Variants in LHPP observed in about 807,000 individuals in gnomAD.
LHPP encodes hLHPP.
LHPP carries 24 observed loss-of-function variants against 30.3 expected under a neutral mutation model. The observed-to-expected ratio is 0.79, with a 90% confidence interval of 0.57 to 1.11. The LOEUF (loss-of-function observed/expected upper bound fraction) is 1.11. Among genes scored for constraint, LHPP ranks in the 50% most tolerant of loss-of-function variants. The pLI is 0.00. For missense variants in LHPP, 356 were observed against 367.2 expected, an observed-to-expected ratio of 0.97 and a Z score of 0.25; for synonymous variants, 150 against 157.1, an observed-to-expected ratio of 0.95 and a Z score of 0.34.
At chr10:124,515,245 G>A (rs1401373280) in intron 5 of LHPP, among the ~76,000 whole-genome samples, 2 of 152,178 alleles carry the variant, frequency 1.3e-5, no homozygotes, top group African/African-American at 4.8e-5. Context: ...ATGTCTCCAG[G>A]TTCATTCATC....
chr10:124,498,125 C>T lies in LHPP; in HGVS notation c.621C>T (p.His207=). The T allele has an allele frequency of 6.2e-7, 1 of 1,612,240 alleles. No individual in the cohort carries two copies. The highest frequency in any genetic ancestry group is 8.5e-7 in the Non-Finnish European group (1 of 1,179,334). The change falls in exon 5 of 7, where the codon CAC becomes CAT. Residue 207 remains histidine (H), a synonymous_variant. Transcript: ENST00000368842. ...TGCAAGCGATAGGAGTGGAAGCCCA[C>T]CAGGTAGGTTGGCGCCTTGTGAAGT... ...SALQAIGVEA[H]QAVMIGDDIV...
At chr10:124,466,022 A>G (rs1013313168) in intron 1 of LHPP, among the ~76,000 whole-genome samples, 3 of 152,196 alleles carry the variant, frequency 2.0e-5, no homozygotes, top group African/African-American at 4.8e-5. Context: ...ATTATCTACC[A>G]GTGGTTGCGC....
chr10:124,506,256 A>AG (rs935567645), intron 5 of LHPP, among the ~76,000 whole-genome samples: 1 of 139,582 alleles, frequency 7.2e-6, no homozygotes, highest in African/African-American at 2.6e-5. Context: ...CTCAAAAAAA[A>AG]CAACAAACCC....
intron 1 of LHPP, among the ~76,000 whole-genome samples, chr10:124,482,673 G>A (rs993525531): frequency 8.6e-5 from 13 of 151,902 alleles, no homozygotes; most frequent in African/African-American, 2.9e-4. Flanking sequence ...AGCACGCTCG[G>A]GTCCCTTCCT....
chr10:124,519,279 G>A (rs910719291), intron 6 of LHPP, among the ~76,000 whole-genome samples: 2 of 152,200 alleles, frequency 1.3e-5, no homozygotes, highest in Non-Finnish European at 2.9e-5. Context: ...ACAGTTTGCC[G>A]AATCCTTCCA....
In LHPP at chr10:124,496,952, C is replaced by G. The variant is rs1411010702; in HGVS notation, c.468-9C>G. The G allele has an allele frequency of 2.5e-6, 4 of 1,612,424 alleles. No homozygotes were observed. The highest frequency in any genetic ancestry group is 2.7e-5 in the African/African-American group (2 of 74,958). On this transcript the variant is annotated splice_polypyrimidine_tract_variant and intron_variant, in intron 3 of 6. Transcript: ENST00000368842. The surrounding 1 kb of genome is among the most constrained non-coding windows in gnomAD (Gnocchi z 4.3). ...TCAGCATCCCGTGCTCCGTTCTGCT[C>G]TCTCCTAGGCGTTACTACAAGGAGA...
At chr10:124,472,473 G>A (rs928072752) in intron 1 of LHPP, among the ~76,000 whole-genome samples, 2 of 152,056 alleles carry the variant, frequency 1.3e-5, no homozygotes, top group African/African-American at 2.4e-5. Context: ...GAATGACTTC[G>A]CTCTGTTTGG....
In LHPP at chr10:124,500,872, G is replaced by A. The variant is rs75062511; in HGVS notation, c.624+2744G>A. Among the ~76,000 whole-genome samples, 85 of 152,062 alleles carry A rather than the reference G, an allele frequency of 5.6e-4. No homozygotes were observed. In the East Asian group the frequency reaches 0.013, roughly 22 times the overall value. ...CTCAAAGTTAAACATAGAATTTGCCGTATGACTCAGCAACCCATTTCCAGG... is the reference window on the plus strand; with the variant it reads ...CTCAAAGTTAAACATAGAATTTGCCATATGACTCAGCAACCCATTTCCAGG... On this transcript the variant is annotated intron_variant, in intron 5 of 6. Coordinates refer to ENST00000368842, the MANE Select transcript of LHPP (RefSeq NM_022126.4).
chr10:124,530,916 G>A lies in LHPP; in HGVS notation c.716+13645G>A, dbSNP rs563530169. ...GTAGCCTCATCAGCCTCACCAGCCCGTCCTTCTTGTCTCCCTGGCACCTTG... is the reference window on the plus strand; with the variant it reads ...GTAGCCTCATCAGCCTCACCAGCCCATCCTTCTTGTCTCCCTGGCACCTTG... On this transcript the variant is annotated intron_variant, in intron 6 of 6. Transcript: ENST00000368842. 5.7e-4 allele frequency among the ~76,000 whole-genome samples: 50 copies of A among 88,264 alleles called. No homozygotes were observed. The East Asian group carries it at 0.012, about 22-fold the overall frequency. 57.9% of individuals were successfully genotyped at this position (88,264 alleles called of 152,430 possible).
intron 5 of LHPP, among the ~76,000 whole-genome samples, chr10:124,511,366 C>T (rs917040216): frequency 1.3e-4 from 20 of 152,318 alleles, no homozygotes. Context: ...TAGTATGTCA[C>T]CCGTGTGCAT....
intron 6 of LHPP, among the ~76,000 whole-genome samples, chr10:124,606,549 A>G (rs1394642323): frequency 2.6e-5 from 4 of 152,218 alleles, no homozygotes; most frequent in Non-Finnish European, 5.9e-5. Flanking sequence ...GGAAACGCCA[A>G]CTTCGTGTGC....
chr10:124,538,160 G>A (rs1299109478), intron 6 of LHPP, among the ~76,000 whole-genome samples: 5 of 57,686 alleles, frequency 8.7e-5, no homozygotes, highest in South Asian at 6.2e-4. Flanking sequence ...GGGTCACCAC[G>A]CGAGTCTCAC....
chr10:124,610,978 T>A (rs1949186531), intron 6 of LHPP, among the ~76,000 whole-genome samples: 1 of 51,240 alleles, frequency 2.0e-5, no homozygotes. Context: ...CGGGTGAGGG[T>A]GCTGGTGGAG....
intron 6 of LHPP, among the ~76,000 whole-genome samples, chr10:124,560,326 G>A (rs1460382252): frequency 1.3e-5 from 2 of 152,192 alleles, no homozygotes; most frequent in Non-Finnish European, 1.5e-5. Flanking sequence ...TTTCCTTCCC[G>A]TCTCCTCCAC....
chr10:124,484,444 A>G, intron 2 of LHPP, 118 bp downstream of exon 2: 1 of 980,692 alleles, frequency 1.0e-6, no homozygotes, highest in Non-Finnish European at 1.5e-6. Flanking sequence ...GGCCACCAAC[A>G]CTCATGGGTT....
At chr10:124,609,867 G>T (rs1311943499) in intron 6 of LHPP, among the ~76,000 whole-genome samples, 1 of 152,212 alleles carries the variant, frequency 6.6e-6, no homozygotes, top group Admixed American at 6.5e-5. Flanking sequence ...GTGCAATTCT[G>T]CCGTGGTCTG....
At position 124,510,240 on chromosome 10, in the gene LHPP, A is replaced by G. The variant is rs960038382; in HGVS notation, c.625-6940A>G. Among the ~76,000 whole-genome samples, 20 of 152,200 alleles carry G rather than the reference A, an allele frequency of 1.3e-4. No individual in the cohort carries two copies. The highest frequency in any genetic ancestry group is 4.6e-4 in the Admixed American group (7 of 15,274). ...TCTTGCCAGTGATTTTTTAAATCCT[A>G]AATGATTTGGCAATAATTGCTCCTC... On this transcript the variant is annotated intron_variant, in intron 5 of 6. Transcript: ENST00000368842. This position sits in a 1 kb window ranked among gnomAD's most constrained non-coding sequence, Gnocchi z 4.0.
chr10:124,497,192 C>T (rs552507633), intron 4 of LHPP, among the ~76,000 whole-genome samples, 168 bp downstream of exon 4: 83 of 151,176 alleles, frequency 5.5e-4, no homozygotes, highest in Admixed American at 5.5e-3. Flanking sequence ...CCCTCGGGCC[C>T]TCAGGCCCTC....
At chr10:124,470,683 A>ATAATAATAC (rs1554877244) in intron 1 of LHPP, among the ~76,000 whole-genome samples, 1 of 150,196 alleles carries the variant, frequency 6.7e-6, no homozygotes, top group Admixed American at 6.6e-5. Flanking sequence ...AACAACAACA[A>ATAATAATAC]TAATAATAAT....
Sources: allele counts gnomAD v4.1 joint callset (sites outside exome capture counted in the v4.1 genomes callset), GRCh38; gene constraint gnomAD v4.1.1; non-coding constraint Gnocchi (gnomAD v3.1); transcripts MANE v1.5; gene names NCBI Gene and HGNC (gene_info 2026-07-23, HGNC 2026-07-21).